Variants in PITPNM2 observed in about 807,000 individuals in gnomAD.
PITPNM2 encodes the protein phosphatidylinositol transfer protein membrane associated 2.
PITPNM2 carries 35 observed loss-of-function variants against 132.2 expected under a neutral mutation model. The ratio of observed to expected loss-of-function variants is 0.26; its 90% confidence interval spans 0.20 to 0.35. PITPNM2 has a LOEUF of 0.35. PITPNM2 is among the 10% of genes least tolerant of loss of function. PITPNM2 has a pLI of 1.00. For synonymous variants in PITPNM2, 738 were observed against 799.2 expected, an observed-to-expected ratio of 0.92 and a Z score of 1.29; for missense variants, 1,332 against 1,912.0, an observed-to-expected ratio of 0.70 and a Z score of 5.66.
At chr12:122,998,700 G>A (rs1363214141) in intron 10 of PITPNM2, among the ~76,000 whole-genome samples, 1 of 151,648 alleles carries the variant, frequency 6.6e-6, no homozygotes, top group African/African-American at 2.4e-5. Flanking sequence ...CATCTAGAGG[G>A]CTTGTGGTGG....
At chr12:123,146,468 C>A (rs139961128) in intron 1 of PITPNM2, among the ~76,000 whole-genome samples, 1 of 152,064 alleles carries the variant, frequency 6.6e-6, no homozygotes, top group East Asian at 1.9e-4. Flanking sequence ...GTGGTGGGCG[C>A]CTGTAATCCC....
rs769460345 is a variant in PITPNM2 at position 123,009,914 on chromosome 12, G to A, written c.579C>T (p.Leu193=). The A allele has an allele frequency of 3.1e-6, 5 of 1,614,102 alleles. No homozygotes were observed. In the Admixed American group the frequency reaches 8.3e-5, roughly 27 times the overall value. ...QVFPIMCAYK[L]CKVEFRYWGM... The stretch of plus-strand genomic sequence containing the variant: ...CCCAGTAGCGGAACTCCACCTTGCA[G>A]AGCTTGTATGCGCACATGATGGGGA... The change falls in exon 6 of 26, where the codon CTC becomes CTT. Residue 193 remains leucine, a synonymous_variant. Transcript: ENST00000320201. This position sits in a 1 kb window ranked among gnomAD's most constrained non-coding sequence, Gnocchi z 4.8.
At chr12:123,085,251 G>A (rs1477423053) in intron 2 of PITPNM2, among the ~76,000 whole-genome samples, 1 of 152,168 alleles carries the variant, frequency 6.6e-6, no homozygotes, top group Non-Finnish European at 1.5e-5. Context: ...ACCCAGATGG[G>A]GGCTCCTGGG....
intron 2 of PITPNM2, among the ~76,000 whole-genome samples, chr12:123,098,953 T>C (rs543666879): frequency 6.6e-6 from 1 of 152,324 alleles, no homozygotes; most frequent in South Asian, 2.1e-4. Context: ...TTACTCCTGA[T>C]AAACTCCTCC....
At chr12:122,986,946 C>T in intron 23 of PITPNM2, 117 bp from the exon 24 acceptor site, 5 of 1,295,808 alleles carry the variant, frequency 3.9e-6, no homozygotes, top group African/African-American at 3.0e-5. Flanking sequence ...TGAGCTCAGA[C>T]AGTAACGACG....
intron 2 of PITPNM2, among the ~76,000 whole-genome samples, chr12:123,065,640 T>C (rs1245346208): frequency 6.6e-6 from 1 of 152,164 alleles, no homozygotes; most frequent in Non-Finnish European, 1.5e-5. Context: ...GCCAGCAAGC[T>C]CAGAAGGGCT....
At chr12:123,052,406 G>A (rs2040889971) in intron 2 of PITPNM2, among the ~76,000 whole-genome samples, 2 of 152,160 alleles carry the variant, frequency 1.3e-5, no homozygotes, top group South Asian at 4.1e-4. Context: ...ATTTCTTGAG[G>A]TCAGGAGTTT....
chr12:123,039,378 G>T (rs2040381684), intron 2 of PITPNM2, among the ~76,000 whole-genome samples: 1 of 152,158 alleles, frequency 6.6e-6, no homozygotes, highest in Non-Finnish European at 1.5e-5. Flanking sequence ...GATGAACACG[G>T]CATTGATATT....
intron 1 of PITPNM2, among the ~76,000 whole-genome samples, chr12:123,143,197 T>A (rs1174794323): frequency 1.5e-5 from 2 of 135,522 alleles, no homozygotes; most frequent in East Asian, 4.9e-4. Flanking sequence ...GCAGCACCCA[T>A]AACAAGCTCT....
At chr12:123,110,051 G>A (rs777254434) in intron 2 of PITPNM2, among the ~76,000 whole-genome samples, 10 of 152,146 alleles carry the variant, frequency 6.6e-5, no homozygotes, top group Non-Finnish European at 1.2e-4. Context: ...TCGAACTCCT[G>A]GGCTCAAGTG....
At position 123,022,533 on chromosome 12, in the gene PITPNM2, T is replaced by C. The variant is rs1311302828; in HGVS notation, c.79-8491A>G. Among the ~76,000 whole-genome samples the C allele has an allele frequency of 6.6e-6, 1 of 152,106 alleles. No individual in the cohort carries two copies. The highest frequency in any genetic ancestry group is 1.5e-5 in the Non-Finnish European group (1 of 68,020). ...GAATGAGAGCCCCAAGCAGGAGATC[T>C]CCTGACCCTGTCTCAGTTTACAACT... is the stretch of plus-strand genomic sequence containing the variant. On this transcript the variant is annotated intron_variant, in intron 3 of 25. Coordinates refer to ENST00000320201, the MANE Select transcript of PITPNM2 (RefSeq NM_020845.3). The surrounding 1 kb of genome is among the most constrained non-coding windows in gnomAD (Gnocchi z 4.9).
intron 2 of PITPNM2, among the ~76,000 whole-genome samples, chr12:123,107,802 TG>T (rs895223416): frequency 2.0e-5 from 3 of 152,146 alleles, no homozygotes; most frequent in East Asian, 1.9e-4. Flanking sequence ...GTCCAGGATC[TG>T]GGGGGAAAGG....
At chr12:123,102,364 C>A (rs1347994860) in intron 2 of PITPNM2, among the ~76,000 whole-genome samples, 2 of 152,238 alleles carry the variant, frequency 1.3e-5, no homozygotes, top group Non-Finnish European at 2.9e-5. Flanking sequence ...CCCACCAGAG[C>A]AAAGGGCAGT....
chr12:123,068,194 A>ACGGCCGGGAG (rs141138502), intron 2 of PITPNM2, among the ~76,000 whole-genome samples: 6 of 151,630 alleles, frequency 4.0e-5, no homozygotes, highest in African/African-American at 7.3e-5. Flanking sequence ...ACGGCCGGGC[A>ACGGCCGGGAG]CGGTGGCTCA....
intron 1 of PITPNM2, among the ~76,000 whole-genome samples, chr12:123,145,582 A>G (rs1162843529): frequency 6.6e-6 from 1 of 152,224 alleles, no homozygotes; most frequent in East Asian, 1.9e-4. Flanking sequence ...GGGAACTTCA[A>G]CAAGGAGAGT....
chr12:123,088,722 T>C (rs906281116), intron 2 of PITPNM2: 1 of 152,066 alleles, frequency 6.6e-6, no homozygotes, highest in Non-Finnish European at 1.5e-5. Flanking sequence ...AGAAAAAAAG[T>C]TTACTCTTTG....
intron 2 of PITPNM2, among the ~76,000 whole-genome samples, chr12:123,094,744 C>T (rs1054856647): frequency 6.6e-6 from 1 of 152,246 alleles, no homozygotes; most frequent in African/African-American, 2.4e-5. Context: ...CTAGAAGCAG[C>T]TCCCAGGTGG....
At position 122,986,092 on chromosome 12, in the gene PITPNM2, C is replaced by T. The variant is rs1255160087; in HGVS notation, c.3985G>A (p.Ala1329Thr). ...GTCATGGCGCGGCCCCAGCAGCCGG[C>T]CGCCACACTCATGCTGCGCTGGCCC... ...QRGQRSMSVAAGCWGRAMTGR... is the reference protein window; with the variant it reads ...QRGQRSMSVATGCWGRAMTGR... The change falls in exon 26 of 26, where the codon GCC becomes ACC. Residue 1329 changes from alanine (A) to threonine (T), a missense_variant. Coordinates refer to ENST00000320201, the MANE Select transcript of PITPNM2 (RefSeq NM_020845.3). 6.9e-7 allele frequency: 1 copy of T among 1,448,622 alleles called. No individual in the cohort carries two copies. The highest frequency in any genetic ancestry group is 9.0e-7 in the Non-Finnish European group (1 of 1,110,640). 89.7% of individuals were successfully genotyped at this position (1,448,622 alleles called of 1,614,324 possible).
chr12:122,997,641 C>A, intron 10 of PITPNM2, 69 bp from the exon 11 acceptor site: 2 of 1,562,948 alleles, frequency 1.3e-6, no homozygotes, highest in South Asian at 1.2e-5. Context: ...CCTCTGTCAC[C>A]CTTGTTGGGG....
Sources: allele counts gnomAD v4.1 joint callset (sites outside exome capture counted in the v4.1 genomes callset), GRCh38; gene constraint gnomAD v4.1.1; non-coding constraint Gnocchi (gnomAD v3.1); transcripts MANE v1.5; gene names NCBI Gene and HGNC (gene_info 2026-07-23, HGNC 2026-07-21).